The following TECTA variants were observed in gnomAD, a reference collection of about 807,000 sequenced individuals.
TECTA encodes alpha-tectorin.
TECTA carries 128 observed loss-of-function variants against 216.8 expected under a neutral mutation model. The ratio of observed to expected loss-of-function variants is 0.59; its 90% CI spans 0.51 to 0.68. The LOEUF is 0.68. Ranked by LOEUF, TECTA falls within the 30% of genes least tolerant of loss-of-function variation. The probability of loss-of-function intolerance (pLI) is 0.00; values close to 1 mark genes in which losing one functional copy is unlikely to be tolerated. For missense variants in TECTA, 2,551 were observed against 2,786.2 expected (o/e 0.92, Z 1.90); for synonymous variants, 1,089 against 1,117.1 (o/e 0.97, Z 0.50).
chr11:121,167,467 T>A (rs1010046640), intron 18 of TECTA, among the ~76,000 whole-genome samples: 3 of 152,182 alleles, frequency 2.0e-5, no homozygotes, highest in Middle Eastern at 3.2e-3. Context: ...AACAGCTGGC[T>A]TCAGAAATAT....
rs746716269 is a variant in TECTA, at chr11:121,128,102, C to T, written c.2125C>T (p.Arg709Trp). The change falls in exon 9 of 24, where the codon CGG becomes TGG. Residue 709 changes from arginine to tryptophan, a missense_variant. Physicochemically the swap from Arg to Trp is moderately radical, Grantham distance 101. Around this residue, in one of 3 missense-constraint regions of TECTA, gnomAD observed 2,375 missense variants for 2,563.9 expected, o/e 0.93. Transcript: ENST00000392793. Reference protein sequence around the residue: ...EDGYQGCFPKRETVCLLSQNQ... With the variant: ...EDGYQGCFPKWETVCLLSQNQ... The stretch of plus-strand genomic sequence containing the variant: ...CGGCTACCAGGGCTGCTTCCCCAAG[C>T]GGGAGACCGTGTGCCTGCTCAGCCA... The T allele has an allele frequency of 1.9e-6, 3 of 1,612,838 alleles. No individual in the cohort carries two copies. Among genetic ancestry groups the T allele is most frequent in the Non-Finnish European group, 2.5e-6 (3 of 1,179,728 alleles).
intron 13 of TECTA, among the ~76,000 whole-genome samples, chr11:121,156,531 T>A (rs527258): frequency 0.47 from 71,611 of 151,518 alleles, 20,087 homozygotes; most frequent in African/African-American, 0.79. Flanking sequence ...TTTAGTAGAG[T>A]TGGGGTTTCA....
At chr11:121,155,859 C>T (rs775900461) in intron 13 of TECTA, among the ~76,000 whole-genome samples, 1 of 152,066 alleles carries the variant, frequency 6.6e-6, no homozygotes, top group Admixed American at 6.5e-5. Flanking sequence ...GAATGCAAAC[C>T]CTACCAAGCA....
At position 121,113,469 on chromosome 11, in the gene TECTA, G is replaced by A. The variant is rs1168211179; in HGVS notation, c.625-84G>A. On this transcript the variant is annotated intron_variant, in intron 5 of 23. Transcript: ENST00000392793. The surrounding 1 kb of genome is among the most constrained non-coding windows in gnomAD (Gnocchi z 4.2). ...GACGGCTCTTGATTTTAGAGGTGCT[G>A]GATTTTAAAAATAAGGTAGTTGGGC... The A allele has an allele frequency of 3.2e-6, 5 of 1,582,136 alleles. No individual in the cohort carries two copies. Among genetic ancestry groups the A allele is most frequent in the Non-Finnish European group, 3.5e-6 (4 of 1,152,184 alleles).
At position 121,105,785 on chromosome 11, in the gene TECTA, C is replaced by T. The variant is rs765527338; in HGVS notation, c.65-46C>T. On this transcript the variant is annotated intron_variant, in intron 2 of 23. Coordinates refer to ENST00000392793, the MANE Select transcript of TECTA (RefSeq NM_005422.4). The surrounding 1 kb of genome is among the most constrained non-coding windows in gnomAD (Gnocchi z 5.3). ...GGTAGGAGAGATGTAGATTGCCAAA[C>T]GGCAGAGGGAGCTGCCATCTATCTA... 47 of 1,612,466 alleles carry T rather than the reference C, an allele frequency of 2.9e-5. No individual in the cohort carries two copies. Among genetic ancestry groups the T allele is most frequent in the African/African-American group, 2.4e-4 (18 of 74,898 alleles).
intron 10 of TECTA, among the ~76,000 whole-genome samples, chr11:121,131,508 C>A (rs2135087520): frequency 6.6e-6 from 1 of 152,260 alleles, no homozygotes; most frequent in Non-Finnish European, 1.5e-5. Flanking sequence ...TAAGAATAAG[C>A]ACATTTATAT....
intron 23 of TECTA, chr11:121,190,202 G>C: frequency 7.8e-6 from 3 of 384,738 alleles, no homozygotes; most frequent in South Asian, 6.6e-5. Flanking sequence ...GGTTGGGATT[G>C]GGATGCTTCC....
At chr11:121,189,448 A>T (rs930566078) in intron 22 of TECTA, among the ~76,000 whole-genome samples, 2 of 149,756 alleles carry the variant, frequency 1.3e-5, no homozygotes, top group Non-Finnish European at 3.0e-5. Flanking sequence ...ATCTTGGCTC[A>T]CTGCAAGCTC....
intron 18 of TECTA, 61 bp downstream of exon 18, chr11:121,166,841 C>T: frequency 1.3e-6 from 2 of 1,597,258 alleles, no homozygotes; most frequent in South Asian, 1.1e-5. Context: ...AGTGTTTGCA[C>T]ATTTATTGTC....
intron 9 of TECTA, 31 bp downstream of exon 9, chr11:121,128,375 C>A (rs1250488287): frequency 6.3e-7 from 1 of 1,592,876 alleles, no homozygotes; most frequent in Admixed American, 1.7e-5. Context: ...GGAGGGGTTC[C>A]TGGTACGTCC....
Position 121,160,204 on chromosome 11 carries a change from T to A in TECTA, c.4759T>A (p.Phe1587Ile). 6.2e-7 allele frequency: 1 copy of A among 1,614,166 alleles called. No homozygotes were observed. The highest frequency in any genetic ancestry group is 1.6e-4 in the Middle Eastern group (1 of 6,062). ...AACCAAAATCTACAGCAGTGAGGGGTTTCTGGTGATTGACACCAGCCCAGA... is the reference window on the plus strand; with the variant it reads ...AACCAAAATCTACAGCAGTGAGGGGATTCTGGTGATTGACACCAGCCCAGA... ...LATKIYSSEG[F>I]LVIDTSPDIQ... Residue 1587 changes from phenylalanine (F) to isoleucine (I), a missense_variant, in exon 15 of 24, where the codon TTT becomes ATT. Physicochemically the swap from Phe to Ile is conservative, Grantham distance 21 (BLOSUM62 0). This residue lies in a region of TECTA where 2,375 missense variants were observed against 2,563.9 expected (regional missense o/e 0.93). Transcript: ENST00000392793.
intron 11 of TECTA, among the ~76,000 whole-genome samples, chr11:121,141,485 A>G (rs1005404933): frequency 6.6e-6 from 1 of 152,198 alleles, no homozygotes; most frequent in Non-Finnish European, 1.5e-5. Flanking sequence ...TAAATGTGCT[A>G]TCTATAGACC....
At chr11:121,156,953 T>C (rs1946947538) in intron 13 of TECTA, among the ~76,000 whole-genome samples, 1 of 152,178 alleles carries the variant, frequency 6.6e-6, no homozygotes, top group South Asian at 2.1e-4. Flanking sequence ...AGGTGTTCTT[T>C]GGATCTTTCA....
In TECTA at chr11:121,168,833, C is replaced by T. The variant is rs1327655190; in HGVS notation, c.5907C>T (p.Asp1969=). 1.6e-5 allele frequency: 26 copies of T among 1,613,964 alleles called. No individual in the cohort carries two copies. Among genetic ancestry groups the T allele is most frequent in the Middle Eastern group, 3.3e-4 (2 of 6,084 alleles). The part of the protein sequence containing the change: ...LYVGVFVVGA[D]ATHLILTLNK... ...TAGGGGTTTTTGTGGTTGGAGCTGA[C>T]GCCACACATTTAATCCTAACACTCA... Residue 1969 remains aspartate (D), a synonymous_variant, in exon 20 of 24, where the codon GAC becomes GAT. Transcript: ENST00000392793.
chr11:121,140,368 C>G (rs1177812182), intron 11 of TECTA, among the ~76,000 whole-genome samples: 1 of 152,220 alleles, frequency 6.6e-6, no homozygotes, highest in African/African-American at 2.4e-5. Flanking sequence ...TAGGGTTAAG[C>G]CCCCAGTGGG....
intron 21 of TECTA, among the ~76,000 whole-genome samples, 158 bp from the exon 22 acceptor site, chr11:121,188,922 A>T (rs573669753): frequency 1.4e-4 from 21 of 152,340 alleles, no homozygotes; most frequent in Admixed American, 1.2e-3. Context: ...CTAGAGTCCC[A>T]GTGGATTCAA....
intron 21 of TECTA, among the ~76,000 whole-genome samples, chr11:121,188,777 A>G (rs950121214): frequency 1.3e-5 from 2 of 152,268 alleles, no homozygotes; most frequent in African/African-American, 4.8e-5. Context: ...AGACACAGCA[A>G]TCCTATTCCT....
chr11:121,110,898 G>A (rs1946435703), intron 4 of TECTA, among the ~76,000 whole-genome samples: 1 of 152,192 alleles, frequency 6.6e-6, no homozygotes, highest in African/African-American at 2.4e-5. Flanking sequence ...AGTGCTTTGA[G>A]CTCCTTGGAG....
At position 121,112,947 on chromosome 11, in the gene TECTA, C is replaced by G. The variant is rs1180649359; in HGVS notation, c.487-125C>G. ...TCAGAGAGGAGTCAGAGCTGGAGGGCCTGGCTGCAGAGCAGCTCTGAGCTG... is the reference window on the plus strand; with the variant it reads ...TCAGAGAGGAGTCAGAGCTGGAGGGGCTGGCTGCAGAGCAGCTCTGAGCTG... On this transcript the variant is annotated intron_variant, in intron 4 of 23. Transcript: ENST00000392793. The G allele has an allele frequency of 4.2e-6, 5 of 1,192,778 alleles. No homozygotes were observed. The African/African-American group carries it at 7.5e-5, about 18-fold the overall frequency. 73.9% of individuals were successfully genotyped at this position (1,192,778 alleles called of 1,614,324 possible).
Sources: allele counts gnomAD v4.1 joint callset (sites outside exome capture counted in the v4.1 genomes callset), GRCh38; gene constraint gnomAD v4.1.1; regional missense constraint gnomAD v4.1.1; non-coding constraint Gnocchi (gnomAD v3.1); transcripts MANE v1.5; gene names NCBI Gene and HGNC (gene_info 2026-07-23, HGNC 2026-07-21).